The following CDH4 variants were observed in gnomAD, a reference collection of about 807,000 sequenced individuals.
CDH4 encodes cadherin-4.
A neutral mutation model predicts 86.0 loss-of-function variants in CDH4; 33 were observed. The observed-to-expected ratio is 0.38, with a 90% confidence interval of 0.29 to 0.51. The LOEUF (loss-of-function observed/expected upper bound fraction) is 0.51. Among genes scored for constraint, CDH4 ranks in the 20% least tolerant of loss-of-function variants. The pLI is 0.86. For missense variants in CDH4, 1,114 were observed against 1,307.4 expected, an observed-to-expected ratio of 0.85 and a Z score of 2.28; for synonymous variants, 555 against 549.4, an observed-to-expected ratio of 1.01 and a Z score of -0.14.
intron 2 of CDH4, among the ~76,000 whole-genome samples, chr20:61,350,096 G>T (rs955261001): frequency 6.8e-6 from 1 of 147,908 alleles, no homozygotes; most frequent in Non-Finnish European, 1.5e-5. Context: ...CCCACCCAGC[G>T]TCAGGCAGAC....
At chr20:61,395,708 A>G (rs923736732) in intron 2 of CDH4, among the ~76,000 whole-genome samples, 1 of 152,214 alleles carries the variant, frequency 6.6e-6, no homozygotes, top group Non-Finnish European at 1.5e-5. Context: ...TGAGCCCAGG[A>G]AGTCAAGACT....
At chr20:61,847,740 A>G (rs1982522022) in intron 5 of CDH4, among the ~76,000 whole-genome samples, 1 of 152,146 alleles carries the variant, frequency 6.6e-6, no homozygotes, top group Non-Finnish European at 1.5e-5. Flanking sequence ...GCTTCCACTC[A>G]TGGGAGAAAG....
rs1980371376 is a variant in CDH4, at chr20:61,810,371, T to C, written c.577-34297T>C. Among the ~76,000 whole-genome samples the C allele has an allele frequency of 6.6e-6, 1 of 152,190 alleles. No individual in the cohort carries two copies. The highest frequency in any genetic ancestry group is 1.5e-5 in the Non-Finnish European group (1 of 68,024). The stretch of plus-strand genomic sequence containing the variant: ...TCTGTGACAGAGTTCCTTGTGCCAT[T>C]ACCAGGACTCTTCCCAGCAAAAACT... On this transcript the variant is annotated intron_variant, in intron 4 of 15. Transcript: ENST00000614565. The surrounding 1 kb of genome is among the most constrained non-coding windows in gnomAD (Gnocchi z 4.3).
chr20:61,282,984 C>T (rs546461978), intron 2 of CDH4, among the ~76,000 whole-genome samples: 3 of 8,568 alleles, frequency 3.5e-4, no homozygotes, highest in Non-Finnish European at 5.1e-4. Context: ...CGTGCTGTGG[C>T]GTGTGATGTA....
intron 2 of CDH4, among the ~76,000 whole-genome samples, chr20:61,311,283 A>T (rs973344344): frequency 2.0e-5 from 3 of 152,236 alleles, no homozygotes; most frequent in African/African-American, 7.2e-5. Flanking sequence ...CAGAAAAAAA[A>T]GTAATGAAAT....
intron 1 of CDH4, among the ~76,000 whole-genome samples, chr20:61,253,284 C>A (rs2084075807): frequency 6.6e-6 from 1 of 150,984 alleles, no homozygotes; most frequent in Admixed American, 6.6e-5. Flanking sequence ...GGAGGGCGCC[C>A]CGGGAGGGCG....
At chr20:61,490,511 C>A (rs563960592) in intron 2 of CDH4, among the ~76,000 whole-genome samples, 15 of 152,226 alleles carry the variant, frequency 9.9e-5, no homozygotes, top group African/African-American at 3.6e-4. Context: ...CCAGCCTGGC[C>A]AACGTGGTGA....
At chr20:61,647,562 TCCCTCTCCCTCCCTCC>T (rs1178574263) in intron 2 of CDH4, among the ~76,000 whole-genome samples, 3 of 100,246 alleles carry the variant, frequency 3.0e-5, no homozygotes, top group African/African-American at 7.7e-5. Context: ...CCTCTCCCTC[TCCCTCTCCCTCCCTCC>T]CCCTCTCCTC....
intron 4 of CDH4, among the ~76,000 whole-genome samples, chr20:61,813,430 G>A (rs1419182844): frequency 1.3e-5 from 2 of 152,234 alleles, no homozygotes; most frequent in Non-Finnish European, 2.9e-5. Context: ...GAGCATCCCT[G>A]TGAGGACTCT....
chr20:61,500,265 G>C lies in CDH4; in HGVS notation c.170-243298G>C, dbSNP rs11907165. Among the ~76,000 whole-genome samples, 300 of 152,326 alleles carry C rather than the reference G, an allele frequency of 2.0e-3. 1 individual carries two copies. Among genetic ancestry groups the C allele is most frequent in the African/African-American group, 7.0e-3 (291 of 41,582 alleles). On this transcript the variant is annotated intron_variant, in intron 2 of 15. Transcript: ENST00000614565. ...AAATTAAATTTTTCAGAGGATGCACGGTGCTGATAAAGGATGGGCACCAAG... is the reference window on the plus strand; with the variant it reads ...AAATTAAATTTTTCAGAGGATGCACCGTGCTGATAAAGGATGGGCACCAAG...
intron 2 of CDH4, among the ~76,000 whole-genome samples, chr20:61,636,568 A>G (rs1450842340): frequency 6.6e-6 from 1 of 152,230 alleles, no homozygotes; most frequent in Non-Finnish European, 1.5e-5. Flanking sequence ...CTCTGAGCCC[A>G]GCGAGCGTGG....
At chr20:61,278,401 GTGT>G (rs1568778798) in intron 2 of CDH4, among the ~76,000 whole-genome samples, 1 of 152,228 alleles carries the variant, frequency 6.6e-6, no homozygotes, top group African/African-American at 2.4e-5. Context: ...GGATGTGCTG[GTGT>G]TGTGGCCAGG....
intron 2 of CDH4, among the ~76,000 whole-genome samples, chr20:61,601,571 C>T (rs1600797349): frequency 2.0e-5 from 3 of 152,314 alleles, no homozygotes; most frequent in Non-Finnish European, 2.9e-5. Context: ...GATGCCCGCC[C>T]GCTGCCCACC....
chr20:61,377,837 T>C lies in CDH4; in HGVS notation c.169+122900T>C, dbSNP rs779873445. Among the ~76,000 whole-genome samples the C allele has an allele frequency of 2.0e-5, 3 of 152,214 alleles. No homozygotes were observed. The highest frequency in any genetic ancestry group is 4.4e-5 in the Non-Finnish European group (3 of 68,040). On this transcript the variant is annotated intron_variant, in intron 2 of 15. Coordinates refer to ENST00000614565, the MANE Select transcript of CDH4 (RefSeq NM_001794.5). The surrounding 1 kb of genome is among the most constrained non-coding windows in gnomAD (Gnocchi z 4.0). ...TAGAAGGCTGGAGGCCTGTCCTCTG[T>C]AGCAGAAGGGAGATCAATGCAGCCC...
chr20:61,895,165 G>T, intron 8 of CDH4, 118 bp downstream of exon 8: 1 of 1,230,272 alleles, frequency 8.1e-7, no homozygotes, highest in Non-Finnish European at 1.1e-6. Flanking sequence ...GGCAGATAGC[G>T]TGTAAGAAAG....
rs533957452 is a variant in CDH4 at position 61,393,883 on chromosome 20, C to T, written c.169+138946C>T. 2.1e-4 allele frequency among the ~76,000 whole-genome samples: 32 copies of T among 152,054 alleles called. No homozygotes were observed. Among genetic ancestry groups the T allele is most frequent in the South Asian group, 4.2e-4 (2 of 4,800 alleles). ...CCTCTTCTGTAAAATGGGTCTGTAA[C>T]GCCCCTGGAAAAGAGTGTGCACTTA... is the stretch of plus-strand genomic sequence containing the variant. On this transcript the variant is annotated intron_variant, in intron 2 of 15. Coordinates refer to ENST00000614565, the MANE Select transcript of CDH4 (RefSeq NM_001794.5). The surrounding 1 kb of genome is among the most constrained non-coding windows in gnomAD (Gnocchi z 4.3).
intron 2 of CDH4, among the ~76,000 whole-genome samples, chr20:61,356,641 T>C (rs1294015881): frequency 1.3e-5 from 2 of 152,250 alleles, no homozygotes; most frequent in Admixed American, 1.3e-4. Flanking sequence ...TTGCACCGTA[T>C]GTGAATATTT....
At chr20:61,522,025 G>A (rs1278240644) in intron 2 of CDH4, among the ~76,000 whole-genome samples, 2 of 152,230 alleles carry the variant, frequency 1.3e-5, no homozygotes, top group Admixed American at 6.5e-5. Context: ...GCGCAGAATC[G>A]TTTGTATGTG....
chr20:61,374,003 G>T (rs1311626964), intron 2 of CDH4, among the ~76,000 whole-genome samples: 1 of 152,192 alleles, frequency 6.6e-6, no homozygotes, highest in Non-Finnish European at 1.5e-5. Flanking sequence ...GTGGCTGGCA[G>T]TGCGCACGGC....
Sources: allele counts gnomAD v4.1 joint callset (sites outside exome capture counted in the v4.1 genomes callset), GRCh38; gene constraint gnomAD v4.1.1; non-coding constraint Gnocchi (gnomAD v3.1); transcripts MANE v1.5; gene names NCBI Gene and HGNC (gene_info 2026-07-23, HGNC 2026-07-21).